L3MBTL2: variants seen among roughly 807,000 people sequenced by gnomAD.
L3MBTL2 encodes L3MBTL histone methyl-lysine binding protein 2.
Under a neutral mutation model 86.4 loss-of-function variants are expected in L3MBTL2, and 49 were observed. The observed-to-expected ratio is 0.57, with a 90% CI of 0.45 to 0.72. L3MBTL2 has a LOEUF of 0.72. L3MBTL2 is among the 30% of genes least tolerant of loss of function. The pLI is 0.00. For synonymous variants in L3MBTL2, 336 were observed against 350.6 expected (o/e 0.96, Z 0.47); for missense variants, 755 against 923.7 (o/e 0.82, Z 2.37).
At chr22:41,208,932 G>A (rs561502089) in intron 1 of L3MBTL2, among the ~76,000 whole-genome samples, 103 of 151,916 alleles carry the variant, frequency 6.8e-4, no homozygotes, top group Admixed American at 1.8e-3. Context: ...TAGTAGAGAC[G>A]GGGTTTCACC....
chr22:41,214,611 T>G (rs978742302), intron 3 of L3MBTL2: 3 of 152,182 alleles, frequency 2.0e-5, no homozygotes, highest in Non-Finnish European at 1.5e-5. Context: ...GGCTGGAACC[T>G]CATCTCAGGG....
intron 6 of L3MBTL2, among the ~76,000 whole-genome samples, chr22:41,220,019 G>C (rs1349503494): frequency 6.6e-6 from 1 of 152,066 alleles, no homozygotes; most frequent in East Asian, 1.9e-4. Flanking sequence ...TTATAGGCGT[G>C]AGCCACCGTG....
rs2030107289 is a variant in L3MBTL2, at chr22:41,205,313, G to A, written c.-50G>A. ...TGCTCTCGCGGAGAGCGACGGGGCA[G>A]GCCAATATGGCTTCCTGCACCTGGT... On this transcript the variant is annotated 5_prime_UTR_variant, in exon 1 of 17. Coordinates refer to ENST00000216237, the MANE Select transcript of L3MBTL2 (RefSeq NM_031488.5). The A allele has an allele frequency of 2.5e-6, 4 of 1,612,180 alleles. No individual in the cohort carries two copies. Among genetic ancestry groups the A allele is most frequent in the South Asian group, 2.2e-5 (2 of 91,038 alleles).
intron 1 of L3MBTL2, among the ~76,000 whole-genome samples, chr22:41,207,475 G>A (rs548851994): frequency 6.4e-4 from 97 of 151,608 alleles, no homozygotes; most frequent in Admixed American, 1.7e-3. Context: ...CTCCTGTCTC[G>A]GCCTCCCAAA....
In L3MBTL2 at chr22:41,227,667, C is replaced by T; in HGVS notation, c.1823-137C>T. ...GGCCCCTCCTCCAGCCCCGCCCTCT[C>T]CTCATTGCCCAGGTTTGGCTTCCTG... is the stretch of plus-strand genomic sequence containing the variant. On this transcript the variant is annotated intron_variant, in intron 14 of 16. Coordinates refer to ENST00000216237, the MANE Select transcript of L3MBTL2 (RefSeq NM_031488.5). The surrounding 1 kb of genome is among the most constrained non-coding windows in gnomAD (Gnocchi z 6.0). 1 of 1,571,536 alleles carries T rather than the reference C, an allele frequency of 6.4e-7. No individual in the cohort carries two copies. The highest frequency in any genetic ancestry group is 8.6e-7 in the Non-Finnish European group (1 of 1,158,226).
chr22:41,209,459 A>G (rs898612023), intron 1 of L3MBTL2: 1 of 475,562 alleles, frequency 2.1e-6, no homozygotes, highest in Non-Finnish European at 3.9e-6. Flanking sequence ...CATCATTTGT[A>G]AATCCACAGA....
In L3MBTL2 at chr22:41,209,733, A is replaced by T; in HGVS notation, c.62A>T (p.Asp21Val). ...TCAGAACCAATGGAGGAAGAGGAAGATGACGACTTGGAGCTGTTTGGTGGC... is the reference window on the plus strand; with the variant it reads ...TCAGAACCAATGGAGGAAGAGGAAGTTGACGACTTGGAGCTGTTTGGTGGC... ...PSSEPMEEEE[D>V]DDLELFGGYD... The change falls in exon 2 of 17, where the codon GAT (aspartate) becomes GTT (valine). Residue 21 changes from aspartate (D) to valine (V), a missense_variant. Physicochemically the swap from Asp to Val is radical, Grantham distance 152. Around this residue, in one of 3 missense-constraint regions of L3MBTL2, gnomAD observed 103 missense variants for 105.2 expected, o/e 0.98. Coordinates refer to ENST00000216237, the MANE Select transcript of L3MBTL2 (RefSeq NM_031488.5). 6.2e-7 allele frequency: 1 copy of T among 1,614,228 alleles called. No homozygotes were observed. Among genetic ancestry groups the T allele is most frequent in the South Asian group, 1.1e-5 (1 of 91,084 alleles).
chr22:41,229,516 G>C (rs1391595252), intron 15 of L3MBTL2, 24 bp from the exon 16 acceptor site: 1 of 1,602,134 alleles, frequency 6.2e-7, no homozygotes, highest in African/African-American at 1.3e-5. Flanking sequence ...CTAATGCTGG[G>C]TTTGAATCCA....
chr22:41,211,557 C>CTTTTTTTTT (rs71200672), intron 2 of L3MBTL2, among the ~76,000 whole-genome samples: 1 of 97,392 alleles, frequency 1.0e-5, no homozygotes, highest in African/African-American at 4.3e-5. Context: ...ATCTTATTTC[C>CTTTTTTTTT]TTTTTTTTTT....
intron 5 of L3MBTL2, 184 bp from the exon 6 acceptor site, chr22:41,219,235 T>C: frequency 5.7e-6 from 3 of 522,952 alleles, no homozygotes; most frequent in Non-Finnish European, 1.1e-5. Flanking sequence ...CCACCTCTAC[T>C]CCCGGCTTAG....
At chr22:41,209,592 T>G in intron 1 of L3MBTL2, 104 bp from the exon 2 acceptor site, 1 of 919,644 alleles carries the variant, frequency 1.1e-6, no homozygotes, top group South Asian at 1.5e-5. Flanking sequence ...ATTTGAAAGG[T>G]TCCCGAAAGT....
chr22:41,208,800 G>A (rs2145565031), intron 1 of L3MBTL2, among the ~76,000 whole-genome samples: 1 of 152,300 alleles, frequency 6.6e-6, no homozygotes, highest in African/African-American at 2.4e-5. Flanking sequence ...CTGGAGTGCA[G>A]TGGCGCGATC....
chr22:41,217,464 C>G (rs558771311), intron 5 of L3MBTL2: 3 of 458,092 alleles, frequency 6.5e-6, no homozygotes, highest in South Asian at 4.5e-5. Context: ...TAGCTGATGT[C>G]GAAGGGTCTT....
At chr22:41,219,304 G>C (rs1226686579) in intron 5 of L3MBTL2, 115 bp from the exon 6 acceptor site, 1 of 744,954 alleles carries the variant, frequency 1.3e-6, no homozygotes, top group African/African-American at 1.7e-5. Context: ...TGCACACAGT[G>C]GGTGATGTGA....
In L3MBTL2 at chr22:41,225,060, A is replaced by G; in HGVS notation, c.1345A>G (p.Thr449Ala). 1 of 1,613,762 alleles carries G rather than the reference A, an allele frequency of 6.2e-7. No individual in the cohort carries two copies. Among genetic ancestry groups the G allele is most frequent in the Non-Finnish European group, 8.5e-7 (1 of 1,179,776 alleles). ...GAATCTGGGCAACATCTGCGTGGCA[A>G]CTGTCTGTAAGGTGAGCCAGGGGCC... The part of the protein sequence containing the change: ...PLNLGNICVA[T>A]VCKVLLDGYL... The change falls in exon 11 of 17, where the codon ACT becomes GCT. Residue 449 changes from threonine to alanine, a missense_variant. This residue lies in a region of L3MBTL2 where 634 missense variants were observed against 748.9 expected (regional missense o/e 0.85). Transcript: ENST00000216237. This position sits in a 1 kb window ranked among gnomAD's most constrained non-coding sequence, Gnocchi z 4.1.
intron 2 of L3MBTL2, chr22:41,210,143 C>CTTTTT (rs869292228): frequency 2.3e-4 from 38 of 162,866 alleles, no homozygotes; most frequent in African/African-American, 4.1e-4. Context: ...AGTCTAATTT[C>CTTTTT]TTTTTTTTTT....
In L3MBTL2 at chr22:41,224,009, C is replaced by T. The variant is rs377592759; in HGVS notation, c.943-11C>T. On this transcript the variant is annotated splice_polypyrimidine_tract_variant and intron_variant, in intron 8 of 16. Coordinates refer to ENST00000216237, the MANE Select transcript of L3MBTL2 (RefSeq NM_031488.5). The surrounding 1 kb of genome is among the most constrained non-coding windows in gnomAD (Gnocchi z 4.9). ...GAGCCATAGCAGGCCTGTGTTCTGA[C>T]GTCGTTTCAGATGGTGGAGAGCATG... 5.5e-5 allele frequency: 89 copies of T among 1,608,852 alleles called. 1 individual carries two copies. The highest frequency in any genetic ancestry group is 3.3e-4 in the Middle Eastern group (2 of 6,068).
intron 12 of L3MBTL2, 91 bp from the exon 13 acceptor site, chr22:41,226,571 G>C: frequency 4.4e-6 from 4 of 913,106 alleles, no homozygotes; most frequent in Non-Finnish European, 5.5e-6. Context: ...TCCTGACCAA[G>C]CTGCAGAGCT....
intron 2 of L3MBTL2, among the ~76,000 whole-genome samples, chr22:41,211,607 A>G (rs1433128427): frequency 3.0e-5 from 4 of 135,082 alleles, no homozygotes; most frequent in African/African-American, 1.2e-4. Flanking sequence ...CCCAGGCTGG[A>G]ATGCAGTGAC....
Sources: gnomAD v4.1 joint callset for allele counts (sites outside exome capture counted in the v4.1 genomes callset) on GRCh38, gnomAD v4.1.1 for gene constraint, gnomAD v4.1.1 regional missense constraint, Gnocchi (gnomAD v3.1) non-coding constraint, MANE v1.5 for transcripts, NCBI Gene and HGNC (gene_info 2026-07-23, HGNC 2026-07-21) for gene names.